The following PSD3 variants were observed in gnomAD, a reference collection of about 807,000 sequenced individuals.
PSD3 encodes the protein PH and SEC7 domain-containing protein 3.
In PSD3, 49 loss-of-function variants were observed where a neutral mutation model predicts 105.5. That is an observed-to-expected ratio of 0.46 (90% CI 0.37 to 0.59). PSD3 has a LOEUF of 0.59. PSD3 is among the 20% of genes least tolerant of loss of function. PSD3 has a pLI of 0.00. For synonymous variants in PSD3, 557 were observed against 457.8 expected (o/e 1.22, Z -2.77); for missense variants, 1,561 against 1,263.8 (o/e 1.24, Z -3.57).
At chr8:18,881,203 T>C (rs1273328146) in intron 2 of PSD3, among the ~76,000 whole-genome samples, 2 of 152,174 alleles carry the variant, frequency 1.3e-5, no homozygotes, top group African/African-American at 4.8e-5. Context: ...TTCTTTTGAT[T>C]TAGTATATTG....
intron 1 of PSD3, among the ~76,000 whole-genome samples, chr8:18,974,672 C>CAAA (rs142184048): frequency 7.7e-6 from 1 of 130,512 alleles, no homozygotes; most frequent in Non-Finnish European, 1.6e-5. Context: ...CACATCAAGT[C>CAAA]AAAAAAAAAA....
intron 2 of PSD3, among the ~76,000 whole-genome samples, chr8:18,928,440 G>C (rs1411976562): frequency 6.6e-6 from 1 of 152,150 alleles, no homozygotes; most frequent in Non-Finnish European, 1.5e-5. Context: ...TTAGCAGCGT[G>C]AGAACAGACT....
intron 1 of PSD3, among the ~76,000 whole-genome samples, chr8:18,976,276 T>C (rs1345211048): frequency 6.6e-6 from 1 of 152,080 alleles, no homozygotes; most frequent in East Asian, 1.9e-4. Context: ...AAAAAAGAAA[T>C]ACAAATGCCC....
chr8:18,931,350 T>A (rs1821737317), intron 2 of PSD3, among the ~76,000 whole-genome samples: 1 of 152,186 alleles, frequency 6.6e-6, no homozygotes, highest in East Asian at 1.9e-4. Flanking sequence ...AGGTAATTTT[T>A]AAAAAACTGA....
At chr8:18,707,624 T>A (rs1372415843) in intron 9 of PSD3, among the ~76,000 whole-genome samples, 2 of 152,182 alleles carry the variant, frequency 1.3e-5, no homozygotes, top group African/African-American at 4.8e-5. Context: ...GCAAAGCTCA[T>A]ATGACTGATA....
intron 2 of PSD3, among the ~76,000 whole-genome samples, chr8:18,893,333 T>C (rs1230412358): frequency 6.6e-6 from 1 of 152,094 alleles, no homozygotes; most frequent in Non-Finnish European, 1.5e-5. Flanking sequence ...TGGGAGTAAC[T>C]GAATCTCCCT....
chr8:18,665,697 C>G (rs892778438), intron 9 of PSD3, among the ~76,000 whole-genome samples: 2 of 152,156 alleles, frequency 1.3e-5, no homozygotes, highest in Non-Finnish European at 2.9e-5. Flanking sequence ...ATGAAAGAGT[C>G]TACAGCTGGG....
At chr8:18,821,864 CACACACACCACACA>C (rs1563312631) in intron 4 of PSD3, among the ~76,000 whole-genome samples, 18 of 87,986 alleles carry the variant, frequency 2.0e-4, no homozygotes, top group Admixed American at 5.2e-4. Context: ...CACACACATG[CACACACACCACACA>C]CACACACACA....
rs573130980 is a variant in PSD3, at chr8:18,744,110, T to C, written c.2172+21339A>G. On this transcript the variant is annotated intron_variant, in intron 9 of 15. Transcript: ENST00000327040. ...AAATGGTATCATTCCATACTTAATT[T>C]TGTATTGATGTTCCCCACCATCAAT... 5.3e-5 allele frequency among the ~76,000 whole-genome samples: 8 copies of C among 152,322 alleles called. No individual in the cohort carries two copies. The South Asian group carries it at 1.5e-3, about 28-fold the overall frequency.
At chr8:18,904,597 G>A (rs139590668) in intron 2 of PSD3, among the ~76,000 whole-genome samples, 1 of 152,130 alleles carries the variant, frequency 6.6e-6, no homozygotes, top group Non-Finnish European at 1.5e-5. Context: ...CCCAATACCT[G>A]TACTACCATT....
At chr8:18,978,565 T>C (rs1825077592) in intron 1 of PSD3, among the ~76,000 whole-genome samples, 1 of 152,182 alleles carries the variant, frequency 6.6e-6, no homozygotes, top group Non-Finnish European at 1.5e-5. Context: ...ACATCTATGG[T>C]TGGACTGGAC....
intron 12 of PSD3, among the ~76,000 whole-genome samples, chr8:18,580,050 A>C (rs535533558): frequency 2.0e-5 from 3 of 152,190 alleles, no homozygotes; most frequent in African/African-American, 7.2e-5. Flanking sequence ...ACTGGCATTA[A>C]AAATGTTTTT....
rs533337586 is a variant in PSD3 at position 18,998,546 on chromosome 8, G to T, written c.21+15017C>A. ...ACTAAAAATACGAAAAATTAGCTGGGTGTGGTGGCATGCACCTGTAGTCCC... is the reference window on the plus strand; with the variant it reads ...ACTAAAAATACGAAAAATTAGCTGGTTGTGGTGGCATGCACCTGTAGTCCC... On this transcript the variant is annotated intron_variant, in intron 1 of 15. Coordinates refer to ENST00000327040, the MANE Select transcript of PSD3 (RefSeq NM_015310.4). 1.4e-4 allele frequency among the ~76,000 whole-genome samples: 21 copies of T among 152,078 alleles called. No individual in the cohort carries two copies. In the South Asian group the frequency reaches 4.4e-3, roughly 32 times the overall value.
intron 2 of PSD3, among the ~76,000 whole-genome samples, chr8:18,910,360 C>G (rs553636238): frequency 6.0e-5 from 8 of 132,354 alleles, no homozygotes; most frequent in African/African-American, 2.0e-4. Context: ...AATTGGAAAC[C>G]ATCATTCTCA....
At chr8:18,887,590 T>C (rs1248740351) in intron 2 of PSD3, among the ~76,000 whole-genome samples, 5 of 152,198 alleles carry the variant, frequency 3.3e-5, no homozygotes, top group Non-Finnish European at 7.3e-5. Flanking sequence ...GAGTAAGATA[T>C]TGTAATATTA....
At chr8:18,563,678 C>G (rs1413417008) in intron 14 of PSD3, among the ~76,000 whole-genome samples, 1 of 151,988 alleles carries the variant, frequency 6.6e-6, no homozygotes, top group Admixed American at 6.6e-5. Flanking sequence ...TTATTGGGTA[C>G]TTAATATATA....
At chr8:18,545,729 C>T (rs965695503) in intron 15 of PSD3, among the ~76,000 whole-genome samples, 1 of 152,156 alleles carries the variant, frequency 6.6e-6, no homozygotes, top group African/African-American at 2.4e-5. Context: ...TTTGCTTTTC[C>T]TTCTGATTGT....
chr8:18,834,300 G>A (rs1813915399), intron 4 of PSD3, among the ~76,000 whole-genome samples: 1 of 152,142 alleles, frequency 6.6e-6, no homozygotes, highest in Non-Finnish European at 1.5e-5. Flanking sequence ...AAATTAAAAT[G>A]ATAAATGGAT....
intron 9 of PSD3, among the ~76,000 whole-genome samples, chr8:18,736,813 A>G (rs1244476512): frequency 6.6e-6 from 1 of 152,248 alleles, no homozygotes; most frequent in Non-Finnish European, 1.5e-5. Flanking sequence ...AATTAGACTT[A>G]TTATTTGTTT....
Sources: gnomAD v4.1 joint callset for allele counts (sites outside exome capture counted in the v4.1 genomes callset) on GRCh38, gnomAD v4.1.1 for gene constraint, MANE v1.5 for transcripts, NCBI Gene and HGNC (gene_info 2026-07-23, HGNC 2026-07-21) for gene names.